KDM6A: variants seen among roughly 807,000 people sequenced by gnomAD.
KDM6A encodes lysine demethylase 6A, also known as lysine-specific demethylase 6A.
A neutral mutation model predicts 117.6 loss-of-function variants in KDM6A; 11 were observed. The ratio of observed to expected loss-of-function variants is 0.09; its 90% CI spans 0.06 to 0.15. The LOEUF (loss-of-function observed/expected upper bound fraction) is 0.15, where lower values mean the gene tolerates loss of function less well. Ranked by LOEUF, KDM6A falls within the 10% of genes least tolerant of loss-of-function variation. KDM6A has a pLI of 1.00. For synonymous variants in KDM6A, 384 were observed against 396.1 expected (o/e 0.97, Z 0.36); for missense variants, 799 against 1,077.3 (o/e 0.74, Z 3.62).
chrX:45,066,075 T>TA (rs2044519160), intron 17 of KDM6A, among the ~76,000 whole-genome samples: 2 of 111,690 alleles, frequency 1.8e-5, no homozygotes, highest in Admixed American at 9.6e-5. Context: ...TGAAGGGTTG[T>TA]AAAAAAAGAA....
chrX:44,880,912 T>TG (rs1185653609), intron 2 of KDM6A, among the ~76,000 whole-genome samples: 4 of 112,344 alleles, frequency 3.6e-5, no homozygotes, highest in Non-Finnish European at 7.5e-5. Context: ...AGGCCTTTCT[T>TG]GCATTTTAAT....
At position 44,933,143 on chromosome X, in the gene KDM6A, C is replaced by A. The variant is rs1257911703; in HGVS notation, c.226-28141C>A. Among the ~76,000 whole-genome samples the A allele has an allele frequency of 2.7e-5, 3 of 109,866 alleles. No homozygotes were observed. The Admixed American group carries it at 2.9e-4, about 11-fold the overall frequency. On this transcript the variant is annotated intron_variant, in intron 2 of 29. Transcript: ENST00000611820. ...CCTCGTGATCTGCCCACCTCTGCCT[C>A]CCAAAGTGCTGGGATTACAGGCGTG...
At chrX:45,046,545 C>A (rs2043546039) in intron 8 of KDM6A, among the ~76,000 whole-genome samples, 1 of 111,557 alleles carries the variant, frequency 9.0e-6, no homozygotes, top group South Asian at 3.7e-4. Context: ...GGAAAAAATT[C>A]TATTTAGAGT....
chrX:44,988,259 C>G (rs937382018), intron 4 of KDM6A, among the ~76,000 whole-genome samples: 1 of 111,890 alleles, frequency 8.9e-6, no homozygotes, highest in African/African-American at 3.3e-5. Context: ...TCAGCTCCAT[C>G]AGGTCCTTTA....
chrX:44,978,178 T>C (rs747276691), intron 4 of KDM6A, among the ~76,000 whole-genome samples: 3 of 112,591 alleles, frequency 2.7e-5, no homozygotes, highest in Non-Finnish European at 5.6e-5. Context: ...AGTACTTGAA[T>C]GGTTTAATAT....
chrX:45,106,659 T>C (rs932947610), intron 27 of KDM6A: 2 of 337,450 alleles, frequency 5.9e-6, no homozygotes, highest in Non-Finnish European at 5.9e-6. Flanking sequence ...AGTAAGATAA[T>C]TGAGCAAACA....
chrX:44,953,070 G>GT lies in KDM6A; in HGVS notation c.226-8203dup, dbSNP rs372714068. ...GGTATGAGCCATTGCACCGAACTTT[G>GT]TTTTTTTTTTTGTTTTTGTTCTTAA... On this transcript the variant is annotated intron_variant, in intron 2 of 29. Transcript: ENST00000611820. Among the ~76,000 whole-genome samples the GT allele has an allele frequency of 7.7e-3, 797 of 103,055 alleles. 3 individuals are homozygous for GT. Among genetic ancestry groups the GT allele is most frequent in the Middle Eastern group, 0.03 (6 of 203 alleles). The allele number at this position is 103,055 out of a possible 115,157, so 89.5% of individuals were successfully genotyped here.
chrX:44,947,213 T>C (rs764962026), intron 2 of KDM6A, among the ~76,000 whole-genome samples: 8 of 110,683 alleles, frequency 7.2e-5, no homozygotes, highest in Admixed American at 2.9e-4. Flanking sequence ...TAAAGACTTT[T>C]GCGGGGGAGA....
rs767857941 is a variant in KDM6A at position 44,965,619 on chromosome X, C to T, written c.334+4227C>T. Among the ~76,000 whole-genome samples the T allele has an allele frequency of 4.5e-5, 5 of 111,802 alleles. No homozygotes were observed. The East Asian group carries it at 1.1e-3, about 25-fold the overall frequency. ...TAGTCAGAACACATGCAACAGTTAT[C>T]GATTGTTTACTGTCTTATGTGGGCA... On this transcript the variant is annotated intron_variant, in intron 3 of 29. Transcript: ENST00000611820.
intron 4 of KDM6A, among the ~76,000 whole-genome samples, chrX:44,978,114 A>G (rs1315706039): frequency 1.8e-5 from 2 of 112,170 alleles, no homozygotes; most frequent in East Asian, 2.8e-4. Context: ...GAATCATAGG[A>G]TGGGTTTTTT....
At chrX:44,885,595 G>T (rs1034681860) in intron 2 of KDM6A, among the ~76,000 whole-genome samples, 1 of 110,653 alleles carries the variant, frequency 9.0e-6, no homozygotes, top group Non-Finnish European at 1.9e-5. Flanking sequence ...TTCTGGCTGG[G>T]CGTGGTGGCT....
rs924096580 is a variant in KDM6A at position 45,112,419 on chromosome X, G to A, written c.*1008G>A. 2.2e-5 allele frequency: 3 copies of A among 133,621 alleles called. No homozygotes were observed. Among genetic ancestry groups the A allele is most frequent in the African/African-American group, 3.2e-5 (1 of 31,197 alleles). The allele number at this position is 133,621 out of a possible 1,213,427, so 11.0% of individuals were successfully genotyped here. On this transcript the variant is annotated 3_prime_UTR_variant, in exon 30 of 30. Transcript: ENST00000611820. ...AATCTTTAGAACTTAAATTTTTCTC[G>A]TTTTAAGTTTCACATCTATGGTAGA... is the stretch of plus-strand genomic sequence containing the variant.
At chrX:44,971,628 C>A (rs2039346673) in intron 3 of KDM6A, among the ~76,000 whole-genome samples, 1 of 111,171 alleles carries the variant, frequency 9.0e-6, no homozygotes, top group Non-Finnish European at 1.9e-5. Context: ...ATTGAACCTG[C>A]TGGCTGCTCC....
chrX:44,962,123 T>C (rs1319992845), intron 3 of KDM6A, among the ~76,000 whole-genome samples: 1 of 112,268 alleles, frequency 8.9e-6, no homozygotes, highest in South Asian at 3.6e-4. Flanking sequence ...GGATGTGTTA[T>C]GCTTGTTTTC....
At chrX:44,909,402 G>T (rs768507591) in intron 2 of KDM6A, among the ~76,000 whole-genome samples, 1 of 111,281 alleles carries the variant, frequency 9.0e-6, no homozygotes, top group Non-Finnish European at 1.9e-5. Flanking sequence ...ACTCTTATTT[G>T]TATTGTTTAC....
intron 23 of KDM6A, 147 bp downstream of exon 23, chrX:45,082,936 A>G: frequency 2.1e-6 from 1 of 467,583 alleles, no homozygotes; most frequent in Non-Finnish European, 3.6e-6. Flanking sequence ...TTTTTGCTAC[A>G]TTTTACAATT....
chrX:45,078,333 T>C (rs1416260620), intron 19 of KDM6A, 67 bp from the exon 20 acceptor site: 3 of 1,000,956 alleles, frequency 3.0e-6, no homozygotes, highest in Non-Finnish European at 4.2e-6. Flanking sequence ...GAATATTAAT[T>C]TGGAGCATAA....
At chrX:45,026,024 T>C (rs2042351386) in intron 6 of KDM6A, among the ~76,000 whole-genome samples, 1 of 111,960 alleles carries the variant, frequency 8.9e-6, no homozygotes, top group Non-Finnish European at 1.9e-5. Flanking sequence ...TTTTACTGGG[T>C]GTTGGTGTTT....
Position 44,991,969 on chromosome X carries a change from G to T in KDM6A, c.384+17254G>T, listed in dbSNP as rs972752983. 4.5e-5 allele frequency among the ~76,000 whole-genome samples: 5 copies of T among 110,760 alleles called. No individual in the cohort carries two copies. In the East Asian group the frequency reaches 1.4e-3, roughly 31 times the overall value. Reference sequence around the variant, plus strand: ...CTCTCAGAGTGTTGGGATTACAGGCGTGAGCCACTGCACCTGGCCTGGTTA... The same window carrying T: ...CTCTCAGAGTGTTGGGATTACAGGCTTGAGCCACTGCACCTGGCCTGGTTA... On this transcript the variant is annotated intron_variant, in intron 4 of 29. Transcript: ENST00000611820.
Sources: gnomAD v4.1 joint callset for allele counts (sites outside exome capture counted in the v4.1 genomes callset) on GRCh38, gnomAD v4.1.1 for gene constraint, MANE v1.5 for transcripts, NCBI Gene and HGNC (gene_info 2026-07-23, HGNC 2026-07-21) for gene names.